PGS1: variants seen among roughly 807,000 people sequenced by gnomAD.
PGS1 encodes the protein phosphatidylglycerophosphate synthase 1, also known as CDP-diacylglycerol--glycerol-3-phosphate 3-phosphatidyltransferase, mitochondrial.
A neutral mutation model predicts 58.3 loss-of-function variants in PGS1; 44 were observed. The ratio of observed to expected loss-of-function variants is 0.75; its 90% confidence interval spans 0.59 to 0.97. The LOEUF (loss-of-function observed/expected upper bound fraction) is 0.97. Ranked by LOEUF, PGS1 falls within the 50% of genes least tolerant of loss-of-function variation. PGS1 has a pLI of 0.00. For synonymous variants in PGS1, 330 were observed against 311.0 expected, an observed-to-expected ratio of 1.06 and a Z score of -0.64; for missense variants, 684 against 731.1, an observed-to-expected ratio of 0.94 and a Z score of 0.74.
intron 1 of PGS1, among the ~76,000 whole-genome samples, chr17:78,389,918 G>A (rs1221083755): frequency 2.0e-5 from 3 of 152,178 alleles, no homozygotes; most frequent in South Asian, 2.1e-4. Flanking sequence ...GCTGGGCTGC[G>A]GCTCTCAGCT....
intron 1 of PGS1, among the ~76,000 whole-genome samples, chr17:78,391,194 C>T (rs967469627): frequency 1.8e-4 from 27 of 152,120 alleles, no homozygotes; most frequent in South Asian, 1.0e-3. Context: ...GTAATCTGCA[C>T]GCCTCGGCCT....
At chr17:78,396,263 C>G in intron 2 of PGS1, 45 bp from the exon 3 acceptor site, 1 of 1,438,070 alleles carries the variant, frequency 7.0e-7, no homozygotes, top group Non-Finnish European at 9.8e-7. Flanking sequence ...CTTAGTGAAC[C>G]ATGAAAATGA....
intron 7 of PGS1, among the ~76,000 whole-genome samples, chr17:78,412,742 C>T (rs1252838999): frequency 6.6e-6 from 1 of 152,172 alleles, no homozygotes; most frequent in African/African-American, 2.4e-5. Context: ...CCTTCCTACT[C>T]ATCACTGTCA....
chr17:78,418,372 T>C (rs2146337102), intron 8 of PGS1, among the ~76,000 whole-genome samples: 1 of 152,360 alleles, frequency 6.6e-6, no homozygotes, highest in East Asian at 1.9e-4. Context: ...GCCTGCCTTC[T>C]GTGTACAGCG....
chr17:78,404,192 C>G (rs374175459), intron 7 of PGS1, 103 bp downstream of exon 7: 2 of 1,247,350 alleles, frequency 1.6e-6, no homozygotes, highest in East Asian at 2.6e-5. Context: ...CTGTACTTCT[C>G]CCTTCCTACC....
At chr17:78,401,417 G>A (rs2083653030) in intron 6 of PGS1, among the ~76,000 whole-genome samples, 1 of 152,200 alleles carries the variant, frequency 6.6e-6, no homozygotes, top group Admixed American at 6.5e-5. Flanking sequence ...GGAAAATGAA[G>A]TGGAAGAGCT....
intron 3 of PGS1, among the ~76,000 whole-genome samples, chr17:78,396,928 C>T (rs999944799): frequency 2.6e-5 from 4 of 152,198 alleles, no homozygotes; most frequent in African/African-American, 9.6e-5. Context: ...CCATTTGGCC[C>T]GTAAAGCTCC....
At chr17:78,420,862 G>T (rs889158721) in intron 9 of PGS1, 1 of 152,010 alleles carries the variant, frequency 6.6e-6, no homozygotes, top group African/African-American at 2.4e-5. Flanking sequence ...TCTAAATAAC[G>T]TGCATATCCT....
chr17:78,422,988 T>G (rs2086026845), intron 9 of PGS1, among the ~76,000 whole-genome samples: 1 of 151,390 alleles, frequency 6.6e-6, no homozygotes, highest in Non-Finnish European at 1.5e-5. Context: ...CCCAGCTACT[T>G]GGGAGGTTGA....
chr17:78,419,602 G>T lies in PGS1; in HGVS notation c.1608G>T (p.Gln536His). Residue 536 changes from glutamine (Q) to histidine (H), a missense_variant, in exon 9 of 10, where the codon CAG (glutamine) becomes CAT (histidine). By Grantham distance (24) the Gln-to-His change is conservative. Coordinates refer to ENST00000262764, the MANE Select transcript of PGS1 (RefSeq NM_024419.5). ...TGGTGTCCTCTGCCACCTTCGAGCA[G>T]CCGAGTCGCCAGGTGAAGCTGTGGG... ...SGVVSSATFE[Q>H]PSRQVKLWVK... is the part of the protein sequence containing the mutation. The T allele has an allele frequency of 6.2e-7, 1 of 1,614,132 alleles. No homozygotes were observed. The highest frequency in any genetic ancestry group is 8.5e-7 in the Non-Finnish European group (1 of 1,179,982).
intron 8 of PGS1, among the ~76,000 whole-genome samples, chr17:78,416,893 A>G (rs2085239407): frequency 6.6e-6 from 1 of 152,138 alleles, no homozygotes; most frequent in Non-Finnish European, 1.5e-5. Context: ...GCCTCCCCAC[A>G]ACCCAGAAAG....
intron 7 of PGS1, among the ~76,000 whole-genome samples, chr17:78,413,359 G>A (rs1323216438): frequency 1.3e-5 from 2 of 152,198 alleles, no homozygotes; most frequent in African/African-American, 2.4e-5. Flanking sequence ...AAAGGGGTGT[G>A]TCAGTGGGGG....
At chr17:78,423,227 C>T (rs904470001) in intron 9 of PGS1, among the ~76,000 whole-genome samples, 3 of 152,188 alleles carry the variant, frequency 2.0e-5, no homozygotes, top group Non-Finnish European at 4.4e-5. Flanking sequence ...TGCCTGCACC[C>T]TGCTGCCCTA....
intron 7 of PGS1, among the ~76,000 whole-genome samples, chr17:78,407,823 C>T (rs1267783749): frequency 6.6e-6 from 1 of 152,230 alleles, no homozygotes; most frequent in African/African-American, 2.4e-5. Context: ...TGTGGTGATG[C>T]AAGGAAGAGC....
Position 78,400,717 on chromosome 17 carries a change from CGCTACGTGTTCCTGCAGGACT to C in PGS1, c.744_764del (p.Tyr249_Cys255del), listed in dbSNP as rs2083590762. On this transcript the variant is annotated inframe_deletion, in exon 6 of 10. Coordinates refer to ENST00000262764, the MANE Select transcript of PGS1 (RefSeq NM_024419.5). This position sits in a 1 kb window ranked among gnomAD's most constrained non-coding sequence, Gnocchi z 4.4. ...CTCCTACTTCACCAACCGCCAGGAC[CGCTACGTGTTCCTGCAGGACT>C]GTGCGGAGATTGCCGACTTCTTCAC... The C allele has an allele frequency of 5.0e-6, 8 of 1,614,014 alleles. No homozygotes were observed. Among genetic ancestry groups the C allele is most frequent in the Non-Finnish European group, 5.9e-6 (7 of 1,179,986 alleles).
At chr17:78,414,081 C>T (rs1350759995) in intron 7 of PGS1, among the ~76,000 whole-genome samples, 2 of 152,204 alleles carry the variant, frequency 1.3e-5, no homozygotes, top group Admixed American at 6.5e-5. Context: ...GTCCCTGGGC[C>T]CTGTGGGCAG....
intron 7 of PGS1, among the ~76,000 whole-genome samples, chr17:78,411,985 C>T (rs1453388702): frequency 1.5e-5 from 2 of 130,344 alleles, no homozygotes; most frequent in Non-Finnish European, 3.1e-5. Flanking sequence ...GTAATCTTAG[C>T]TCACTGCAGG....
chr17:78,411,330 G>A (rs1451929657), intron 7 of PGS1, among the ~76,000 whole-genome samples: 1 of 152,338 alleles, frequency 6.6e-6, no homozygotes, highest in East Asian at 1.9e-4. Context: ...GCCTGGATCA[G>A]CCTTCCGCAG....
chr17:78,402,540 G>A (rs768771457), intron 6 of PGS1, among the ~76,000 whole-genome samples: 8 of 152,020 alleles, frequency 5.3e-5, no homozygotes, highest in Non-Finnish European at 8.8e-5. Flanking sequence ...CTCTGCCTCC[G>A]AGGTTCAAGT....
Sources: gnomAD v4.1 joint callset for allele counts (sites outside exome capture counted in the v4.1 genomes callset) on GRCh38, gnomAD v4.1.1 for gene constraint, Gnocchi (gnomAD v3.1) non-coding constraint, MANE v1.5 for transcripts, NCBI Gene and HGNC (gene_info 2026-07-23, HGNC 2026-07-21) for gene names.